The following WWTR1 variants were observed in gnomAD, a reference collection of about 807,000 sequenced individuals.
WWTR1 encodes WW domain-containing transcription regulator protein 1.
A neutral mutation model predicts 40.1 loss-of-function variants in WWTR1; 13 were observed. The ratio of observed to expected loss-of-function variants is 0.32; its 90% CI spans 0.21 to 0.52. The LOEUF is 0.52. Ranked by LOEUF, WWTR1 falls within the 20% of genes least tolerant of loss-of-function variation. WWTR1 has a pLI of 0.97. For synonymous variants in WWTR1, 230 were observed against 210.1 expected, an observed-to-expected ratio of 1.09 and a Z score of -0.82; for missense variants, 436 against 523.1, an observed-to-expected ratio of 0.83 and a Z score of 1.63.
chr3:149,545,218 G>C (rs1394932733), intron 3 of WWTR1, among the ~76,000 whole-genome samples: 1 of 152,154 alleles, frequency 6.6e-6, no homozygotes, highest in African/African-American at 2.4e-5. Flanking sequence ...TGGTGTCGCA[G>C]GGGAAAAGTT....
chr3:149,636,407 T>C (rs975798579), intron 2 of WWTR1, among the ~76,000 whole-genome samples: 2 of 152,194 alleles, frequency 1.3e-5, no homozygotes, highest in Non-Finnish European at 2.9e-5. Flanking sequence ...GGGTAGTAAA[T>C]TTCCACCATC....
At chr3:149,562,153 G>A (rs1472048381) in intron 3 of WWTR1, among the ~76,000 whole-genome samples, 1 of 151,998 alleles carries the variant, frequency 6.6e-6, no homozygotes, top group Non-Finnish European at 1.5e-5. Flanking sequence ...AAATTAGCCG[G>A]GCATGGTGGC....
At chr3:149,683,964 A>T (rs942290330) in intron 1 of WWTR1, among the ~76,000 whole-genome samples, 1 of 152,018 alleles carries the variant, frequency 6.6e-6, no homozygotes, top group Admixed American at 6.6e-5. Flanking sequence ...CCATTTCTTT[A>T]AAAAAAATTG....
chr3:149,577,129 C>T (rs1029193561), intron 2 of WWTR1, among the ~76,000 whole-genome samples: 1 of 152,116 alleles, frequency 6.6e-6, no homozygotes, highest in African/African-American at 2.4e-5. Context: ...TGCACTCCAG[C>T]CTGGGCAACA....
intron 2 of WWTR1, among the ~76,000 whole-genome samples, chr3:149,618,813 T>A (rs960156735): frequency 2.0e-5 from 3 of 152,058 alleles, no homozygotes; most frequent in Admixed American, 6.5e-5. Flanking sequence ...TAAAGGAAGC[T>A]CCAACTGAGA....
At chr3:149,526,244 GT>G in intron 5 of WWTR1, 119 bp from the exon 6 acceptor site, 1 of 574,142 alleles carries the variant, frequency 1.7e-6, no homozygotes, top group Non-Finnish European at 2.8e-6. Context: ...AACTTTCCAG[GT>G]TAGGGAGGAA....
At chr3:149,714,470 C>T (rs1213536071) in intron 5 of WWTR1, among the ~76,000 whole-genome samples, 1 of 152,228 alleles carries the variant, frequency 6.6e-6, no homozygotes, top group Non-Finnish European at 1.5e-5. Flanking sequence ...CAAGCCCGGG[C>T]GCTGTTGCAG....
chr3:149,595,532 T>C (rs761809366), intron 2 of WWTR1, among the ~76,000 whole-genome samples: 9 of 152,120 alleles, frequency 5.9e-5, no homozygotes, highest in Non-Finnish European at 4.4e-5. Flanking sequence ...TAAACAAATA[T>C]ACCAAATGTT....
At chr3:149,622,006 G>A (rs758762248) in intron 2 of WWTR1, among the ~76,000 whole-genome samples, 4 of 151,928 alleles carry the variant, frequency 2.6e-5, no homozygotes, top group Non-Finnish European at 5.9e-5. Context: ...AAATATTTTG[G>A]TAGAGATTAT....
At chr3:149,698,493 G>C (rs1715066092) in intron 1 of WWTR1, among the ~76,000 whole-genome samples, 1 of 152,180 alleles carries the variant, frequency 6.6e-6, no homozygotes, top group Non-Finnish European at 1.5e-5. Flanking sequence ...GTCTTTATTA[G>C]CAGTGTGAGA....
At chr3:149,689,177 T>C (rs1363287984) in intron 1 of WWTR1, among the ~76,000 whole-genome samples, 1 of 150,558 alleles carries the variant, frequency 6.6e-6, no homozygotes, top group Non-Finnish European at 1.5e-5. Flanking sequence ...AGCTCAGGAG[T>C]TCAAGACTAG....
intron 3 of WWTR1, among the ~76,000 whole-genome samples, chr3:149,568,551 A>ACCC (rs1301796358): frequency 2.8e-5 from 2 of 72,266 alleles, no homozygotes; most frequent in Non-Finnish European, 5.5e-5. Flanking sequence ...AAAAAAAAAA[A>ACCC]AAAAAAAAAC....
intron 2 of WWTR1, among the ~76,000 whole-genome samples, chr3:149,637,597 A>G (rs1711909440): frequency 6.6e-6 from 1 of 152,194 alleles, no homozygotes; most frequent in Admixed American, 6.5e-5. Context: ...GGCATGAAGG[A>G]CAATACAACA....
chr3:149,628,373 C>A (rs1711496945), intron 2 of WWTR1, among the ~76,000 whole-genome samples: 1 of 152,176 alleles, frequency 6.6e-6, no homozygotes, highest in Non-Finnish European at 1.5e-5. Flanking sequence ...CGTCTCAAAA[C>A]AAATAAACAA....
intron 2 of WWTR1, among the ~76,000 whole-genome samples, chr3:149,605,825 C>T (rs1410954108): frequency 3.9e-5 from 6 of 152,162 alleles, no homozygotes; most frequent in Non-Finnish European, 7.4e-5. Flanking sequence ...ATCTAATATC[C>T]TGTCCAATAC....
chr3:149,656,814 C>A (rs1001055931), intron 2 of WWTR1, 62 bp downstream of exon 2: 8 of 1,402,370 alleles, frequency 5.7e-6, no homozygotes, highest in South Asian at 1.4e-5. Context: ...CACACACACA[C>A]GAACACACGC....
chr3:149,558,934 C>A (rs1736964314), intron 3 of WWTR1, among the ~76,000 whole-genome samples: 1 of 152,086 alleles, frequency 6.6e-6, no homozygotes, highest in Non-Finnish European at 1.5e-5. Context: ...CGAATCTGGG[C>A]TATTAGATAA....
At position 149,596,243 on chromosome 3, in the gene WWTR1, A is replaced by G. The variant is rs191798162; in HGVS notation, c.432-23243T>C. On this transcript the variant is annotated intron_variant, in intron 2 of 6. Transcript: ENST00000360632. ...TAGTGAAGTCTGTTCTGAAACTGAA[A>G]GTTGTTTGGATGTTTTCCAAAGACA... Among the ~76,000 whole-genome samples, 4 of 152,318 alleles carry G rather than the reference A, an allele frequency of 2.6e-5. No individual in the cohort carries two copies. The East Asian group carries it at 7.7e-4, about 29-fold the overall frequency.
chr3:149,547,482 C>T (rs1287913204), intron 3 of WWTR1, among the ~76,000 whole-genome samples: 1 of 151,902 alleles, frequency 6.6e-6, no homozygotes, highest in African/African-American at 2.4e-5. Flanking sequence ...CCCGAGATCA[C>T]GCCATTGCAC....
Sources: allele counts gnomAD v4.1 joint callset (sites outside exome capture counted in the v4.1 genomes callset), GRCh38; gene constraint gnomAD v4.1.1; transcripts MANE v1.5; gene names NCBI Gene and HGNC (gene_info 2026-07-23, HGNC 2026-07-21).